The following DCP1B variants were observed in gnomAD, a reference collection of about 807,000 sequenced individuals.
DCP1B encodes decapping mRNA 1B, also known as mRNA-decapping enzyme 1B.
In DCP1B, 47 loss-of-function variants were observed where a neutral mutation model predicts 60.5. That is an observed-to-expected ratio of 0.78 (90% confidence interval 0.61 to 0.99). DCP1B has a LOEUF of 0.99. DCP1B is among the 50% of genes least tolerant of loss of function. The probability of loss-of-function intolerance (pLI) is 0.00; values close to 1 mark genes in which losing one functional copy is unlikely to be tolerated. For synonymous variants in DCP1B, 267 were observed against 280.3 expected, an observed-to-expected ratio of 0.95 and a Z score of 0.47; for missense variants, 725 against 756.8, an observed-to-expected ratio of 0.96 and a Z score of 0.49.
chr12:1,950,302 G>A (rs778367614), intron 7 of DCP1B: 4 of 702,198 alleles, frequency 5.7e-6, no homozygotes, highest in Non-Finnish European at 1.0e-5. Context: ...CCCGGAGGTG[G>A]AGTCAAGCAT....
chr12:1,990,143 G>A (rs146131480), intron 3 of DCP1B, among the ~76,000 whole-genome samples: 10 of 152,244 alleles, frequency 6.6e-5, no homozygotes, highest in Admixed American at 6.5e-5. Context: ...GGACCACAGC[G>A]TATCACTTAA....
intron 1 of DCP1B, among the ~76,000 whole-genome samples, chr12:1,999,475 G>A (rs1482178238): frequency 6.6e-6 from 1 of 152,188 alleles, no homozygotes. Flanking sequence ...ACTCTGGGAG[G>A]CTGAGGCAGG....
intron 2 of DCP1B, among the ~76,000 whole-genome samples, chr12:1,993,952 A>G (rs2040178934): frequency 6.6e-6 from 1 of 152,238 alleles, no homozygotes; most frequent in Non-Finnish European, 1.5e-5. Flanking sequence ...AGAAGTTTAC[A>G]TAACAGTGCA....
At chr12:1,942,051 C>A (rs954090873), downstream of DCP1B, among the ~76,000 whole-genome samples, 1 of 151,800 alleles carries the variant, frequency 6.6e-6, no homozygotes, top group African/African-American at 2.4e-5. Flanking sequence ...ACCCATCTCA[C>A]GTGCAAAGAC....
At chr12:1,996,630 A>C (rs12826807) in intron 2 of DCP1B, among the ~76,000 whole-genome samples, 18,638 of 112,972 alleles carry the variant, frequency 0.16, 2,462 homozygotes, top group Admixed American at 0.23. Context: ...AAAAAAAAAA[A>C]AAAAAAAAAA....
intron 6 of DCP1B, among the ~76,000 whole-genome samples, chr12:1,954,558 T>G (rs895775380): frequency 2.0e-5 from 3 of 151,544 alleles, no homozygotes; most frequent in African/African-American, 7.3e-5. Flanking sequence ...ATATATACAC[T>G]AACACAAAAG....
chr12:1,983,726 A>G (rs1401616219), intron 3 of DCP1B, among the ~76,000 whole-genome samples: 1 of 152,054 alleles, frequency 6.6e-6, no homozygotes, highest in African/African-American at 2.4e-5. Flanking sequence ...AATATAAATG[A>G]CAGCTGTGTT....
At position 1,946,111 on chromosome 12, in the gene DCP1B, G is replaced by T; in HGVS notation, c.*95C>A. 3 of 970,258 alleles carry T rather than the reference G, an allele frequency of 3.1e-6. No individual in the cohort carries two copies. The highest frequency in any genetic ancestry group is 4.4e-6 in the Non-Finnish European group (3 of 679,278). The allele number at this position is 970,258 out of a possible 1,614,324, so 60.1% of individuals were successfully genotyped here. The stretch of plus-strand genomic sequence containing the variant: ...TTACACATACTTTTTTTTTAAAAAA[G>T]GCAGAAACATTGAAGGAAACAACAC... On this transcript the variant is annotated 3_prime_UTR_variant, in exon 9 of 9. Transcript: ENST00000280665.
In DCP1B at chr12:1,949,084, A is replaced by G; in HGVS notation, c.1773+2T>C. On this transcript the variant is annotated splice_donor_variant, in intron 8 of 8. Transcript: ENST00000280665. LOFTEE classifies it high-confidence loss of function. Reference sequence around the variant, plus strand: ...GCGAAGGGAGATGACGTGCTTGCTTACCTGAATGAGGTACAGCAGTGCCTC... The same window carrying G: ...GCGAAGGGAGATGACGTGCTTGCTTGCCTGAATGAGGTACAGCAGTGCCTC... The G allele has an allele frequency of 6.2e-7, 1 of 1,610,540 alleles. No individual in the cohort carries two copies. The highest frequency in any genetic ancestry group is 1.1e-5 in the South Asian group (1 of 91,038).
chr12:1,972,458 A>G (rs1265081445), intron 3 of DCP1B, among the ~76,000 whole-genome samples: 2 of 152,216 alleles, frequency 1.3e-5, no homozygotes, highest in Non-Finnish European at 1.5e-5. Context: ...CACAGCTACT[A>G]GGCATTTGAA....
At chr12:1,989,374 C>G (rs1383974983) in intron 3 of DCP1B, among the ~76,000 whole-genome samples, 1 of 150,910 alleles carries the variant, frequency 6.6e-6, no homozygotes, top group African/African-American at 2.4e-5. Context: ...GGAGCAGGAG[C>G]AGAGCAAAGA....
At chr12:1,957,112 A>G (rs943259739) in intron 5 of DCP1B, among the ~76,000 whole-genome samples, 1 of 152,232 alleles carries the variant, frequency 6.6e-6, no homozygotes, top group African/African-American at 2.4e-5. Context: ...CCACCTCAGT[A>G]GTTTGTAGCT....
chr12:1,955,321 A>T, intron 6 of DCP1B, 111 bp downstream of exon 6: 1 of 1,257,954 alleles, frequency 7.9e-7, no homozygotes, highest in African/African-American at 1.5e-5. Context: ...TCTTGGGTTT[A>T]CCTGAAAGCA....
At chr12:1,942,305 C>T (rs1330824595), downstream of DCP1B, among the ~76,000 whole-genome samples, 1 of 152,196 alleles carries the variant, frequency 6.6e-6, no homozygotes, top group Non-Finnish European at 1.5e-5. Flanking sequence ...TTCCCAGAAA[C>T]ATACAAAGAG....
chr12:1,972,637 C>G (rs1358999008), intron 3 of DCP1B, among the ~76,000 whole-genome samples: 1 of 152,180 alleles, frequency 6.6e-6, no homozygotes, highest in Non-Finnish European at 1.5e-5. Flanking sequence ...TAATCTGTTT[C>G]CCCTAAAACA....
chr12:1,999,601 C>T (rs1451808431), intron 1 of DCP1B, among the ~76,000 whole-genome samples: 1 of 151,906 alleles, frequency 6.6e-6, no homozygotes, highest in South Asian at 2.1e-4. Context: ...TGGCACATGC[C>T]GGTAGTCTCA....
intron 2 of DCP1B, 147 bp from the exon 3 acceptor site, chr12:1,993,538 C>G: frequency 3.3e-6 from 3 of 918,210 alleles, no homozygotes; most frequent in Non-Finnish European, 4.8e-6. Context: ...ACTTCTTCAC[C>G]ACTGGCATCA....
At chr12:1,986,519 C>G (rs1224801902) in intron 3 of DCP1B, among the ~76,000 whole-genome samples, 1 of 152,158 alleles carries the variant, frequency 6.6e-6, no homozygotes, top group Non-Finnish European at 1.5e-5. Flanking sequence ...CTTGGGATGT[C>G]AGGTGCCTGT....
intron 3 of DCP1B, among the ~76,000 whole-genome samples, chr12:1,973,460 G>A (rs915383110): frequency 3.3e-5 from 5 of 152,274 alleles, no homozygotes; most frequent in Non-Finnish European, 7.4e-5. Flanking sequence ...AAATTAATAT[G>A]TACTCTCCAA....
Sources: gnomAD v4.1 joint callset for allele counts (sites outside exome capture counted in the v4.1 genomes callset) on GRCh38, gnomAD v4.1.1 for gene constraint, MANE v1.5 for transcripts, NCBI Gene and HGNC (gene_info 2026-07-23, HGNC 2026-07-21) for gene names.